The following CHSY3 variants were observed in gnomAD, a reference collection of about 807,000 sequenced individuals.
CHSY3 encodes chondroitin sulfate synthase 3.
Under a neutral mutation model 67.2 loss-of-function variants are expected in CHSY3, and 35 were observed. The observed-to-expected ratio is 0.52, with a 90% confidence interval of 0.40 to 0.69. CHSY3 has a LOEUF of 0.69. Among genes scored for constraint, CHSY3 ranks in the 30% least tolerant of loss-of-function variants. The pLI, the probability that CHSY3 is intolerant of heterozygous loss-of-function variation, is 0.00. For missense variants in CHSY3, 1,069 were observed against 1,138.5 expected, an observed-to-expected ratio of 0.94 and a Z score of 0.88; for synonymous variants, 474 against 434.7, an observed-to-expected ratio of 1.09 and a Z score of -1.12.
intron 2 of CHSY3, among the ~76,000 whole-genome samples, chr5:130,003,352 G>A (rs1763787396): frequency 6.6e-6 from 1 of 152,142 alleles, no homozygotes; most frequent in Non-Finnish European, 1.5e-5. Flanking sequence ...AATAGTTTTA[G>A]TTCCCTTTGG....
intron 2 of CHSY3, among the ~76,000 whole-genome samples, chr5:129,981,741 C>T (rs1231541244): frequency 6.6e-6 from 1 of 152,068 alleles, no homozygotes. Flanking sequence ...CAGCATGCTA[C>T]TGAAAAGCAA....
At chr5:130,023,135 A>G (rs920583030) in intron 2 of CHSY3, among the ~76,000 whole-genome samples, 1 of 151,992 alleles carries the variant, frequency 6.6e-6, no homozygotes, top group East Asian at 1.9e-4. Context: ...CTCTTAGATA[A>G]TGAAACCTTC....
intron 2 of CHSY3, among the ~76,000 whole-genome samples, chr5:130,130,691 A>G (rs1298769928): frequency 2.0e-5 from 3 of 152,156 alleles, no homozygotes; most frequent in Non-Finnish European, 4.4e-5. Flanking sequence ...CTGGTTCTGC[A>G]GTCATCATAA....
chr5:130,103,052 C>A (rs1388416778), intron 2 of CHSY3, among the ~76,000 whole-genome samples: 1 of 152,040 alleles, frequency 6.6e-6, no homozygotes, highest in Non-Finnish European at 1.5e-5. Flanking sequence ...ACTACTTAGT[C>A]TCCTTGTGCC....
At chr5:129,922,394 T>C (rs932864313) in intron 2 of CHSY3, among the ~76,000 whole-genome samples, 4 of 152,272 alleles carry the variant, frequency 2.6e-5, no homozygotes, top group Non-Finnish European at 5.9e-5. Context: ...TATTTTTATT[T>C]TGGGGGGAGC....
At chr5:130,025,437 A>T (rs1301374247) in intron 2 of CHSY3, among the ~76,000 whole-genome samples, 1 of 152,174 alleles carries the variant, frequency 6.6e-6, no homozygotes, top group African/African-American at 2.4e-5. Context: ...AGGAGGAGCC[A>T]GATCAGGTGG....
chr5:130,176,438 G>A (rs1770053530), intron 2 of CHSY3, among the ~76,000 whole-genome samples: 1 of 152,200 alleles, frequency 6.6e-6, no homozygotes, highest in African/African-American at 2.4e-5. Context: ...GTGGAAGACA[G>A]TGTGGTGATT....
At chr5:129,963,918 A>G (rs1262601089) in intron 2 of CHSY3, among the ~76,000 whole-genome samples, 1 of 151,746 alleles carries the variant, frequency 6.6e-6, no homozygotes, top group Non-Finnish European at 1.5e-5. Context: ...ATCTATATGT[A>G]TGTATATCTG....
intron 2 of CHSY3, among the ~76,000 whole-genome samples, chr5:130,087,063 A>G (rs1484032464): frequency 2.0e-5 from 3 of 152,184 alleles, no homozygotes; most frequent in Non-Finnish European, 4.4e-5. Context: ...CTGTTTCAAT[A>G]TATGCAAATC....
At chr5:130,062,207 A>T (rs1465116923) in intron 2 of CHSY3, among the ~76,000 whole-genome samples, 1 of 152,150 alleles carries the variant, frequency 6.6e-6, no homozygotes, top group East Asian at 1.9e-4. Context: ...GGAATATTAC[A>T]TGGCCATTTT....
At chr5:130,056,053 T>A (rs1765521633) in intron 2 of CHSY3, among the ~76,000 whole-genome samples, 1 of 152,184 alleles carries the variant, frequency 6.6e-6, no homozygotes, top group African/African-American at 2.4e-5. Context: ...AAGAGGTAAA[T>A]GCCTATAATG....
intron 2 of CHSY3, among the ~76,000 whole-genome samples, chr5:129,993,204 C>T (rs764497891): frequency 1.6e-4 from 24 of 152,048 alleles, no homozygotes; most frequent in Admixed American, 3.3e-4. Context: ...TTCTAGTTCT[C>T]GTCATTAGTT....
rs79522461 is a variant in CHSY3 at position 129,970,858 on chromosome 5, A to C, written c.1086+62498A>C. Among the ~76,000 whole-genome samples, 1,500 of 152,032 alleles carry C rather than the reference A, an allele frequency of 9.9e-3. 27 individuals carry two copies. Among genetic ancestry groups the C allele is most frequent in the African/African-American group, 0.035 (1,445 of 41,518 alleles). On this transcript the variant is annotated intron_variant, in intron 2 of 2. Coordinates refer to ENST00000305031, the MANE Select transcript of CHSY3 (RefSeq NM_175856.5). ...TCCAAACCTGATGATATGTGTGATA[A>C]CATTGGGGAAACATGAGTTACTGTT...
At chr5:129,940,232 T>C (rs943761910) in intron 2 of CHSY3, among the ~76,000 whole-genome samples, 1 of 152,110 alleles carries the variant, frequency 6.6e-6, no homozygotes, top group African/African-American at 2.4e-5. Flanking sequence ...GGCATCTACC[T>C]AGATTTTCTT....
At chr5:130,128,670 C>CA (rs1171582999) in intron 2 of CHSY3, among the ~76,000 whole-genome samples, 1 of 151,878 alleles carries the variant, frequency 6.6e-6, no homozygotes, top group Non-Finnish European at 1.5e-5. Flanking sequence ...GTTCTTAACA[C>CA]AAAAAATGAT....
In CHSY3 at chr5:130,074,158, C is replaced by T. The variant is rs1259848849; in HGVS notation, c.1087-110071C>T. 6.6e-5 allele frequency among the ~76,000 whole-genome samples: 10 copies of T among 152,284 alleles called. No individual in the cohort carries two copies. The East Asian group carries it at 1.7e-3, about 26-fold the overall frequency. On this transcript the variant is annotated intron_variant, in intron 2 of 2. Transcript: ENST00000305031. The stretch of plus-strand genomic sequence containing the variant: ...CGAACTCAGCTCACTACAACCTCCT[C>T]CTTCCAGGTTCAAGTGATTCCTGTG...
chr5:130,129,842 A>G lies in CHSY3; in HGVS notation c.1087-54387A>G, dbSNP rs112337687. Among the ~76,000 whole-genome samples, 9 of 152,252 alleles carry G rather than the reference A, an allele frequency of 5.9e-5. 1 individual carries two copies. The highest frequency in any genetic ancestry group is 2.2e-4 in the African/African-American group (9 of 41,558). On this transcript the variant is annotated intron_variant, in intron 2 of 2. Transcript: ENST00000305031. Reference sequence around the variant, plus strand: ...CCTGAGTGACCATAAGGACCCAACGAAAGAAAGCACATGAAAGTTCTCTAA... The same window carrying G: ...CCTGAGTGACCATAAGGACCCAACGGAAGAAAGCACATGAAAGTTCTCTAA...
chr5:130,045,284 G>A (rs1580679677), intron 2 of CHSY3, among the ~76,000 whole-genome samples: 1 of 152,264 alleles, frequency 6.6e-6, no homozygotes, highest in East Asian at 1.9e-4. Context: ...ACTAGGGAGA[G>A]CTAGTAAAAC....
chr5:130,083,625 T>G (rs1766512187), intron 2 of CHSY3, among the ~76,000 whole-genome samples: 1 of 152,004 alleles, frequency 6.6e-6, no homozygotes, highest in Admixed American at 6.6e-5. Context: ...AAATGAATGT[T>G]TGAGATAATA....
Sources: gnomAD v4.1 joint callset for allele counts (sites outside exome capture counted in the v4.1 genomes callset) on GRCh38, gnomAD v4.1.1 for gene constraint, MANE v1.5 for transcripts, NCBI Gene and HGNC (gene_info 2026-07-23, HGNC 2026-07-21) for gene names.